RAB9B: variants seen among roughly 807,000 people sequenced by gnomAD.
RAB9B encodes the protein ras-related protein Rab-9B.
RAB9B carries 1 observed loss-of-function variant against 8.9 expected under a neutral mutation model. That is an observed-to-expected ratio of 0.11 (90% confidence interval 0.04 to 0.53). The LOEUF is 0.53. RAB9B is among the 20% of genes least tolerant of loss of function. RAB9B has a pLI of 0.93. For synonymous variants in RAB9B, 63 were observed against 57.0 expected (o/e 1.10, Z -0.47); for missense variants, 82 against 152.9 (o/e 0.54, Z 2.45).
At chrX:103,794,724 T>C in the RAB9B span, among the ~76,000 whole-genome samples, 946 of 112,450 alleles carry the variant, frequency 8.4e-3, 10 homozygotes, top group African/African-American at 0.029. Context: ...CTCATTATTA[T>C]ATTTACGAAA....
At chrX:103,784,843 T>C in the RAB9B span, among the ~76,000 whole-genome samples, 1 of 111,941 alleles carries the variant, frequency 8.9e-6, no homozygotes, top group African/African-American at 3.3e-5. Flanking sequence ...CTGTGTCTTT[T>C]CTCTCTTCAT....
At position 103,825,479 on chromosome X, in the gene RAB9B, C is replaced by T; in HGVS notation, c.306G>A (p.Gln102=). 8.3e-7 allele frequency: 1 copy of T among 1,211,482 alleles called. No homozygotes were observed. Among genetic ancestry groups the T allele is most frequent in the South Asian group, 1.8e-5 (1 of 56,951 alleles). ...CATCCGCATAGTAAATAAATTCTTT[C>T]TGCCAGTTACCAAGATTCTCGAAGC... ...RQSFENLGNW[Q]KEFIYYADVK... The change falls in exon 3 of 3, where the codon CAG becomes CAA. Residue 102 remains glutamine (Q), a synonymous_variant. Transcript: ENST00000243298.
At position 103,825,385 on chromosome X, in the gene RAB9B, T is replaced by C. The variant is rs1358421272; in HGVS notation, c.400A>G (p.Thr134Ala). The C allele has an allele frequency of 8.3e-7, 1 of 1,211,877 alleles. No homozygotes were observed. The highest frequency in any genetic ancestry group is 1.1e-6 in the Non-Finnish European group (1 of 895,487). ...CACCAGGTTTGTGCCTCCTCAGTAG[T>C]CACTTGCCTATCCTCTTTGTCTACC... ...NKVDKEDRQV[T>A]TEEAQTWCME... Residue 134 changes from threonine (T) to alanine (A), a missense_variant, in exon 3 of 3, where the codon ACT becomes GCT. Physicochemically the swap from Thr to Ala is moderately conservative, Grantham distance 58 (BLOSUM62 0). Coordinates refer to ENST00000243298, the MANE Select transcript of RAB9B (RefSeq NM_016370.4).
chrX:103,806,377 T>C, the RAB9B span, among the ~76,000 whole-genome samples: 1 of 111,907 alleles, frequency 8.9e-6, no homozygotes, highest in Admixed American at 9.5e-5. Context: ...TAGGTGGGTG[T>C]TAATTTCCAC....
chrX:103,785,582 G>A, the RAB9B span: 1 of 1,207,706 alleles, frequency 8.3e-7, no homozygotes, highest in Non-Finnish European at 1.1e-6. Flanking sequence ...TCTTCCCCAG[G>A]CTTGTTAGAG....
chrX:103,811,113 T>C, the RAB9B span, among the ~76,000 whole-genome samples: 3 of 111,735 alleles, frequency 2.7e-5, no homozygotes, highest in Non-Finnish European at 5.6e-5. Context: ...TTGCAAGATA[T>C]AATGATCTGC....
the RAB9B span, chrX:103,781,234 G>C: frequency 3.3e-6 from 1 of 301,614 alleles, no homozygotes. Flanking sequence ...GGGAGGGAGG[G>C]TTGGGAGCTC....
At chrX:103,783,580 C>G in the RAB9B span, among the ~76,000 whole-genome samples, 1 of 112,020 alleles carries the variant, frequency 8.9e-6, no homozygotes, top group Non-Finnish European at 1.9e-5. Context: ...GCCTCTACCT[C>G]GATTTTCCCA....
chrX:103,791,854 T>C, the RAB9B span: 1 of 112,894 alleles, frequency 8.9e-6, no homozygotes, highest in African/African-American at 3.2e-5. Flanking sequence ...AGAAACAGAT[T>C]TGGTGAATTT....
the RAB9B span, among the ~76,000 whole-genome samples, chrX:103,812,944 T>A: frequency 6.4e-5 from 7 of 109,216 alleles, 1 homozygote; most frequent in African/African-American, 1.3e-4. Context: ...TTTTAATTTT[T>A]AAATTTTTTT....
the RAB9B span, among the ~76,000 whole-genome samples, chrX:103,809,329 T>C: frequency 8.9e-6 from 1 of 111,934 alleles, no homozygotes; most frequent in Non-Finnish European, 1.9e-5. Flanking sequence ...TTATGGAGTT[T>C]TGCTCTTGTT....
At chrX:103,797,087 CTT>C in the RAB9B span, among the ~76,000 whole-genome samples, 405 of 84,596 alleles carry the variant, frequency 4.8e-3, 1 homozygote, top group African/African-American at 8.2e-3. Context: ...GGAAAGAGAC[CTT>C]TTTTTTTTTT....
chrX:103,798,581 T>C, the RAB9B span, among the ~76,000 whole-genome samples: 1 of 111,854 alleles, frequency 8.9e-6, no homozygotes, highest in Non-Finnish European at 1.9e-5. Context: ...AAGATTTTTG[T>C]TGAAATTTGA....
chrX:103,785,153 G>C, the RAB9B span, among the ~76,000 whole-genome samples: 3 of 110,528 alleles, frequency 2.7e-5, no homozygotes, highest in African/African-American at 9.9e-5. Flanking sequence ...TTGGCTCACG[G>C]CAACCTCCGC....
chrX:103,790,605 G>A, the RAB9B span: 8 of 1,173,633 alleles, frequency 6.8e-6, no homozygotes, highest in East Asian at 3.0e-5. Flanking sequence ...CTGATCCCCC[G>A]TAGAAATCCC....
chrX:103,808,706 A>G, the RAB9B span, among the ~76,000 whole-genome samples: 1 of 112,534 alleles, frequency 8.9e-6, no homozygotes, highest in Non-Finnish European at 1.9e-5. Flanking sequence ...TCTCAGGGAG[A>G]CAGGAAGGCT....
the RAB9B span, among the ~76,000 whole-genome samples, chrX:103,809,749 C>T: frequency 4.0e-4 from 45 of 111,180 alleles, no homozygotes; most frequent in Non-Finnish European, 7.7e-4. Context: ...GTAGTTCAAG[C>T]TGGGGCAGGC....
chrX:103,820,900 A>G (rs1602399392), downstream of RAB9B, among the ~76,000 whole-genome samples: 1 of 108,033 alleles, frequency 9.3e-6, no homozygotes, highest in East Asian at 2.9e-4. Context: ...CAGTTAGCCA[A>G]GATCAGGCCA....
the RAB9B span, among the ~76,000 whole-genome samples, chrX:103,815,629 G>A: frequency 8.9e-6 from 1 of 112,252 alleles, no homozygotes; most frequent in South Asian, 3.7e-4. Flanking sequence ...AATAGGAAGA[G>A]AGGAAGTCAA....
Sources: allele counts gnomAD v4.1 joint callset (sites outside exome capture counted in the v4.1 genomes callset), GRCh38; gene constraint gnomAD v4.1.1; transcripts MANE v1.5; gene names NCBI Gene and HGNC (gene_info 2026-07-23, HGNC 2026-07-21).